The following RPL23A variants were observed in gnomAD, a reference collection of about 807,000 sequenced individuals.
The protein encoded by RPL23A is large ribosomal subunit protein uL23.
RPL23A carries 2 observed loss-of-function variants against 17.6 expected under a neutral mutation model. The observed-to-expected ratio is 0.11, with a 90% CI of 0.05 to 0.36. The LOEUF (loss-of-function observed/expected upper bound fraction) is 0.36. Ranked by LOEUF, RPL23A falls within the 10% of genes least tolerant of loss-of-function variation. RPL23A has a pLI of 1.00. For synonymous variants in RPL23A, 65 were observed against 74.3 expected (o/e 0.87, Z 0.65); for missense variants, 132 against 194.4 (o/e 0.68, Z 1.91).
In RPL23A at chr17:28,722,361, T is replaced by TTGAGAGGGAGTTTCACCA. The variant is rs1436260118; in HGVS notation, c.210-359_210-342dup. ...GACCAGCTAATTTTTGTATTTTTAG[T>TTGAGAGGGAGTTTCACCA]TGAGAGGGAGTTTCACCATGTTGGC... On this transcript the variant is annotated intron_variant, in intron 2 of 4. Coordinates refer to ENST00000422514, the MANE Select transcript of RPL23A (RefSeq NM_000984.6). 56 of 356,180 alleles carry TTGAGAGGGAGTTTCACCA rather than the reference T, an allele frequency of 1.6e-4. No homozygotes were observed. The Admixed American group carries it at 1.7e-3, about 11-fold the overall frequency. 22.1% of individuals were successfully genotyped at this position (356,180 alleles called of 1,614,324 possible).
chr17:28,720,214 G>T, intron 1 of RPL23A, 184 bp downstream of exon 1: 3 of 1,536,170 alleles, frequency 2.0e-6, no homozygotes, highest in South Asian at 1.2e-5. Context: ...CTGAGTTCCG[G>T]TAGAGGGAGT....
rs753866318 is a variant in RPL23A at position 28,720,009 on chromosome 17, G to A, written c.4G>A (p.Ala2Thr). Residue 2 changes from alanine (A) to threonine (T), a missense_variant, in exon 1 of 5, where the codon GCG becomes ACG. Physicochemically the swap from Ala to Thr is moderately conservative, Grantham distance 58. Around this residue, in one of 2 missense-constraint regions of RPL23A, gnomAD observed 63 missense variants for 48.9 expected, o/e 1.29. Transcript: ENST00000422514. ...CATTGGAGACCCTTTTCACAAGATGGCGCCGAAAGCGAAGAAGGAAGGTGT... is the reference window on the plus strand; with the variant it reads ...CATTGGAGACCCTTTTCACAAGATGACGCCGAAAGCGAAGAAGGAAGGTGT... The part of the protein sequence containing the change: M[A>T]PKAKKEAPAP... 98 of 1,551,976 alleles carry A rather than the reference G, an allele frequency of 6.3e-5. No homozygotes were observed. Among genetic ancestry groups the A allele is most frequent in the South Asian group, 2.6e-4 (22 of 84,058 alleles).
Position 28,724,242 on chromosome 17 carries a change from GTGGAT to G in RPL23A, c.*365_*369del, listed in dbSNP as rs1255219590. ...GTGTTAGCATCCATTTCAGGGGAGT[GTGGAT>G]TGGCTGGCTCTCTGGTAGCATTTTG... On this transcript the variant is annotated 3_prime_UTR_variant, in exon 5 of 5. Coordinates refer to ENST00000422514, the MANE Select transcript of RPL23A (RefSeq NM_000984.6). 2 of 542,286 alleles carry G rather than the reference GTGGAT, an allele frequency of 3.7e-6. No individual in the cohort carries two copies. The highest frequency in any genetic ancestry group is 3.8e-5 in the African/African-American group (2 of 53,140). The allele number at this position is 542,286 out of a possible 1,614,324, so 33.6% of individuals were successfully genotyped here.
rs968881214 is a variant in RPL23A, at chr17:28,724,300, A to G, written c.*419A>G. The stretch of plus-strand genomic sequence containing the variant: ...CTCACACACCCATCTACTATGTCCA[A>G]CCGGTCTGTCTGCTTCCCTCACCCC... On this transcript the variant is annotated 3_prime_UTR_variant, in exon 5 of 5. Transcript: ENST00000422514. 5.9e-6 allele frequency: 4 copies of G among 683,698 alleles called. No individual in the cohort carries two copies. The highest frequency in any genetic ancestry group is 3.6e-5 in the African/African-American group (2 of 55,994). 42.4% of individuals were successfully genotyped at this position (683,698 alleles called of 1,614,324 possible).
chr17:28,720,925 G>T (rs1483877396), intron 2 of RPL23A, 35 bp downstream of exon 2: 6 of 1,581,190 alleles, frequency 3.8e-6, no homozygotes, highest in Non-Finnish European at 5.2e-6. Flanking sequence ...GAAAAGATTT[G>T]GGTATTCTCC....
chr17:28,723,784 C>A (rs781296122), intron 4 of RPL23A, 83 bp from the exon 5 acceptor site: 1 of 1,413,680 alleles, frequency 7.1e-7, no homozygotes, highest in Non-Finnish European at 1.0e-6. Flanking sequence ...TCCTCACATT[C>A]CTCATTTTGC....
intron 1 of RPL23A, chr17:28,720,234 G>GGT: frequency 6.5e-7 from 1 of 1,538,626 alleles, no homozygotes; most frequent in Non-Finnish European, 8.8e-7. Flanking sequence ...TTGGGGGGGG[G>GGT]CAACGCGGCA....
chr17:28,723,686 C>A (rs772603396), intron 4 of RPL23A, 46 bp downstream of exon 4: 1 of 1,532,606 alleles, frequency 6.5e-7, no homozygotes, highest in Non-Finnish European at 9.0e-7. Context: ...CCCTTGGGTG[C>A]AAATGATGCA....
chr17:28,720,334 G>T, intron 1 of RPL23A: 1 of 1,551,270 alleles, frequency 6.4e-7, no homozygotes, highest in Non-Finnish European at 8.7e-7. Context: ...GGCCTGTAAG[G>T]AATTAGTGCC....
chr17:28,723,794 C>T (rs1336412438), intron 4 of RPL23A, 73 bp from the exon 5 acceptor site: 6 of 1,478,598 alleles, frequency 4.1e-6, no homozygotes, highest in Admixed American at 1.7e-5. Context: ...CCTCATTTTG[C>T]TTTCTAAAAA....
chr17:28,720,616 C>T (rs780066359), intron 1 of RPL23A, 91 bp from the exon 2 acceptor site: 95 of 1,427,424 alleles, frequency 6.7e-5, no homozygotes, highest in Non-Finnish European at 8.8e-5. Context: ...CACTGATGCA[C>T]CTGTGGCCAG....
chr17:28,723,775 C>T (rs918583493), intron 4 of RPL23A, 92 bp from the exon 5 acceptor site: 7 of 1,384,592 alleles, frequency 5.1e-6, no homozygotes, highest in African/African-American at 4.3e-5. Flanking sequence ...CAAACCTTAT[C>T]CTCACATTCC....
In RPL23A at chr17:28,720,743, C is replaced by T. The variant is rs778077189; in HGVS notation, c.62C>T (p.Ala21Val). The T allele has an allele frequency of 3.1e-6, 5 of 1,613,852 alleles. No individual in the cohort carries two copies. The highest frequency in any genetic ancestry group is 1.3e-5 in the African/African-American group (1 of 74,888). Reference protein sequence around the residue: ...APPKAEAKAKALKAKKAVLKG... With the variant: ...APPKAEAKAKVLKAKKAVLKG... ...CCTAAAGCTGAAGCCAAAGCGAAGG[C>T]TTTAAAGGCCAAGAAGGCAGTGTTG... The change falls in exon 2 of 5, where the codon GCT becomes GTT. Residue 21 changes from alanine (A) to valine (V), a missense_variant. Ala to Val is a moderately conservative substitution (Grantham distance 64). Coordinates refer to ENST00000422514, the MANE Select transcript of RPL23A (RefSeq NM_000984.6).
In RPL23A at chr17:28,721,178, C is replaced by A. The variant is rs375414978; in HGVS notation, c.209+288C>A. The A allele has an allele frequency of 4.2e-4, 118 of 282,956 alleles. 1 individual carries two copies. The highest frequency in any genetic ancestry group is 2.5e-3 in the African/African-American group (112 of 45,614). 17.5% of individuals were successfully genotyped at this position (282,956 alleles called of 1,614,324 possible). On this transcript the variant is annotated intron_variant, in intron 2 of 4. Coordinates refer to ENST00000422514, the MANE Select transcript of RPL23A (RefSeq NM_000984.6). Reference sequence around the variant, plus strand: ...GACCAGCCTGAGTGACATGGAGAAACCCCGCGTCTATTAAAAATAGAAAAT... The same window carrying A: ...GACCAGCCTGAGTGACATGGAGAAAACCCGCGTCTATTAAAAATAGAAAAT...
intron 2 of RPL23A, among the ~76,000 whole-genome samples, chr17:28,722,143 C>T (rs2034126001): frequency 6.6e-6 from 1 of 151,794 alleles, no homozygotes; most frequent in Non-Finnish European, 1.5e-5. Context: ...CTACTGAGTC[C>T]CAGGCTGAAG....
At chr17:28,722,413 G>A (rs868756949) in intron 2 of RPL23A, 8 of 458,898 alleles carry the variant, frequency 1.7e-5, no homozygotes, top group Admixed American at 1.0e-4. Context: ...TCTTGACCTC[G>A]TGATCAGCCT....
rs1375187321 is a variant in RPL23A, at chr17:28,720,901, C to T, written c.209+11C>T. 3.7e-6 allele frequency: 6 copies of T among 1,604,848 alleles called. No individual in the cohort carries two copies. The highest frequency in any genetic ancestry group is 1.3e-5 in the African/African-American group (1 of 74,458). ...TCCCAGGAGAAACAAGTCAGTACTG[C>T]CCCCTGTACCCATGAAAAGATTTGG... On this transcript the variant is annotated intron_variant, in intron 2 of 4. Coordinates refer to ENST00000422514, the MANE Select transcript of RPL23A (RefSeq NM_000984.6).
intron 2 of RPL23A, 115 bp from the exon 3 acceptor site, chr17:28,722,608 A>T (rs1410300174): frequency 3.3e-6 from 3 of 901,298 alleles, no homozygotes; most frequent in South Asian, 2.6e-5. Context: ...CTGTAAAGCG[A>T]CCAAAGTCTG....
chr17:28,720,584 C>A, intron 1 of RPL23A, 123 bp from the exon 2 acceptor site: 3 of 1,370,818 alleles, frequency 2.2e-6, no homozygotes, highest in Non-Finnish European at 3.1e-6. Context: ...TCTCCTGACA[C>A]TTGTGATGTC....
Sources: gnomAD v4.1 joint callset for allele counts (sites outside exome capture counted in the v4.1 genomes callset) on GRCh38, gnomAD v4.1.1 for gene constraint, gnomAD v4.1.1 regional missense constraint, MANE v1.5 for transcripts, NCBI Gene and HGNC (gene_info 2026-07-23, HGNC 2026-07-21) for gene names.